FRYL: variants seen among roughly 807,000 people sequenced by gnomAD.
FRYL encodes FRY like transcription coactivator, also known as protein furry homolog-like.
FRYL carries 150 observed loss-of-function variants against 351.2 expected under a neutral mutation model. That is an observed-to-expected ratio of 0.43 (90% CI 0.37 to 0.49). The LOEUF (loss-of-function observed/expected upper bound fraction) is 0.49, where lower values mean the gene tolerates loss of function less well. FRYL is among the 20% of genes least tolerant of loss of function. The pLI, the probability that FRYL is intolerant of heterozygous loss-of-function variation, is 0.00. For missense variants in FRYL, 3,036 were observed against 3,619.3 expected (o/e 0.84, Z 4.13); for synonymous variants, 1,153 against 1,257.1 (o/e 0.92, Z 1.75).
At chr4:48,737,945 G>A (rs1771626400) in intron 1 of FRYL, among the ~76,000 whole-genome samples, 1 of 152,080 alleles carries the variant, frequency 6.6e-6, no homozygotes, top group Admixed American at 6.6e-5. Context: ...TAAATTTAGA[G>A]AGAAATTTCC....
At chr4:48,699,825 T>C (rs1422799643) in intron 2 of FRYL, among the ~76,000 whole-genome samples, 2 of 152,200 alleles carry the variant, frequency 1.3e-5, no homozygotes, top group African/African-American at 2.4e-5. Context: ...GTCATCTGAA[T>C]TGTATCTTTT....
rs754714221 is a variant in FRYL, at chr4:48,540,553, T to G, written c.6095A>C (p.His2032Pro). ...ALRLLNKLLI[H>P]LPLDKSESRE... The stretch of plus-strand genomic sequence containing the variant: ...ACTCTCTGATTTATCCAAAGGCAAA[T>G]GGATAAGCAGTTTGTTGAGAAGCCT... Residue 2032 changes from histidine (H) to proline (P), a missense_variant, in exon 46 of 64, where the codon CAT (histidine) becomes CCT (proline). His to Pro is a moderately conservative substitution (Grantham distance 77). Coordinates refer to ENST00000358350, the MANE Select transcript of FRYL (RefSeq NM_015030.2). 5 of 1,614,040 alleles carry G rather than the reference T, an allele frequency of 3.1e-6. No homozygotes were observed. In the South Asian group the frequency reaches 4.4e-5, roughly 14 times the overall value.
chr4:48,579,583 A>C (rs549396887), intron 22 of FRYL, among the ~76,000 whole-genome samples: 1 of 152,292 alleles, frequency 6.6e-6, no homozygotes, highest in South Asian at 2.1e-4. Context: ...GTGAACCATT[A>C]ACTTTCATGT....
intron 26 of FRYL, chr4:48,571,825 G>A (rs1254475745): frequency 9.1e-6 from 9 of 984,650 alleles, no homozygotes; most frequent in African/African-American, 8.7e-5. Flanking sequence ...CAGAAACAGT[G>A]TGAGTCTAAA....
At chr4:48,746,452 G>A (rs1312571290) in intron 1 of FRYL, among the ~76,000 whole-genome samples, 1 of 151,574 alleles carries the variant, frequency 6.6e-6, no homozygotes, top group Admixed American at 6.6e-5. Context: ...GGCTGAGGCA[G>A]AAGAATGGCG....
intron 55 of FRYL, 67 bp downstream of exon 55, chr4:48,520,981 C>G: frequency 8.8e-7 from 1 of 1,135,442 alleles, no homozygotes; most frequent in East Asian, 2.6e-5. Context: ...GAAAGAAAAG[C>G]GGGAGCTATA....
chr4:48,547,737 G>A lies in FRYL; in HGVS notation c.4921C>T (p.His1641Tyr), dbSNP rs745417258. 29 of 1,565,980 alleles carry A rather than the reference G, an allele frequency of 1.9e-5. No individual in the cohort carries two copies. Among genetic ancestry groups the A allele is most frequent in the Non-Finnish European group, 2.5e-5 (29 of 1,148,862 alleles). ...AAGTGCAGAAGCAGGCGTTTACAAT[G>A]TTCATACACCTCAGGGTGGCAGTGG... ...FDHCHPEVYE[H>Y]CKRLLLHLLI... Residue 1641 changes from histidine (H) to tyrosine (Y), a missense_variant, in exon 41 of 64, where the codon CAT becomes TAT. Physicochemically the swap from His to Tyr is moderately conservative, Grantham distance 83 (BLOSUM62 2). This residue lies in a region of FRYL where 1,987 missense variants were observed against 2,311.7 expected (regional missense o/e 0.86). Coordinates refer to ENST00000358350, the MANE Select transcript of FRYL (RefSeq NM_015030.2).
chr4:48,652,395 T>C (rs924304686), intron 3 of FRYL, among the ~76,000 whole-genome samples: 1 of 152,244 alleles, frequency 6.6e-6, no homozygotes, highest in South Asian at 2.1e-4. Context: ...TCCAGTTTAC[T>C]TGAGCAAAAA....
intron 1 of FRYL, among the ~76,000 whole-genome samples, chr4:48,713,702 A>G (rs191225082): frequency 1.3e-3 from 193 of 152,176 alleles, no homozygotes; most frequent in African/African-American, 4.1e-3. Flanking sequence ...GTCAACATTA[A>G]ACAGATCAAT....
chr4:48,646,881 C>T (rs1426936226), intron 3 of FRYL, among the ~76,000 whole-genome samples: 71 of 152,056 alleles, frequency 4.7e-4, no homozygotes, highest in Non-Finnish European at 2.5e-4. Flanking sequence ...GTAAAAAGCA[C>T]CAGGGAGGTC....
chr4:48,643,073 T>C (rs1755641978), intron 3 of FRYL, among the ~76,000 whole-genome samples: 1 of 152,214 alleles, frequency 6.6e-6, no homozygotes, highest in Admixed American at 6.5e-5. Flanking sequence ...AAAGCTATTG[T>C]GGCTGACTTT....
chr4:48,562,796 T>C (rs1735818610), intron 32 of FRYL, 93 bp downstream of exon 32: 1 of 722,900 alleles, frequency 1.4e-6, no homozygotes, highest in Non-Finnish European at 2.4e-6. Flanking sequence ...TAAAGCTAAA[T>C]ACTATTATCA....
chr4:48,758,306 A>C (rs1774019007), intron 1 of FRYL, among the ~76,000 whole-genome samples: 1 of 152,220 alleles, frequency 6.6e-6, no homozygotes, highest in Non-Finnish European at 1.5e-5. Context: ...CTACAGAATG[A>C]GAGGAAATTT....
At chr4:48,561,036 T>C (rs1735388592) in intron 33 of FRYL, among the ~76,000 whole-genome samples, 1 of 152,120 alleles carries the variant, frequency 6.6e-6, no homozygotes, top group Non-Finnish European at 1.5e-5. Context: ...CTCGAGGCAC[T>C]GTACCACCTG....
intron 3 of FRYL, among the ~76,000 whole-genome samples, chr4:48,656,314 T>TTAAATAATATA (rs1461594088): frequency 1.5e-5 from 2 of 134,588 alleles, no homozygotes; most frequent in African/African-American, 2.7e-5. Context: ...ATATTATATA[T>TTAAATAATATA]TACATAATAT....
intron 6 of FRYL, among the ~76,000 whole-genome samples, chr4:48,620,154 G>A (rs563628973): frequency 1.1e-4 from 16 of 152,256 alleles, no homozygotes; most frequent in African/African-American, 2.4e-4. Flanking sequence ...GCTCTTACAT[G>A]CATGACAAGA....
intron 15 of FRYL, 34 bp from the exon 16 acceptor site, chr4:48,594,050 T>C: frequency 1.8e-6 from 2 of 1,105,598 alleles, no homozygotes; most frequent in Non-Finnish European, 2.6e-6. Flanking sequence ...AACTTGCTAC[T>C]ATGTGTTAGG....
At chr4:48,575,053 C>A in intron 25 of FRYL, 64 bp downstream of exon 25, 1 of 1,559,322 alleles carries the variant, frequency 6.4e-7, no homozygotes, top group South Asian at 1.2e-5. Context: ...AAGGACCCTA[C>A]CACACCTTCT....
At chr4:48,570,056 C>T (rs1737931803) in intron 27 of FRYL, among the ~76,000 whole-genome samples, 1 of 152,126 alleles carries the variant, frequency 6.6e-6, no homozygotes, top group Non-Finnish European at 1.5e-5. Context: ...TCAAGTGATC[C>T]ACCCATCTCA....
Sources: allele counts gnomAD v4.1 joint callset (sites outside exome capture counted in the v4.1 genomes callset), GRCh38; gene constraint gnomAD v4.1.1; regional missense constraint gnomAD v4.1.1; transcripts MANE v1.5; gene names NCBI Gene and HGNC (gene_info 2026-07-23, HGNC 2026-07-21).